Variants in RYR2 observed in about 807,000 individuals in gnomAD.
RYR2 encodes the protein ryanodine receptor 2.
A neutral mutation model predicts 601.1 loss-of-function variants in RYR2; 227 were observed. The ratio of observed to expected loss-of-function variants is 0.38; its 90% CI spans 0.34 to 0.42. The LOEUF (loss-of-function observed/expected upper bound fraction) is 0.42, where lower values mean the gene tolerates loss of function less well. Ranked by LOEUF, RYR2 falls within the 10% of genes least tolerant of loss-of-function variation. The probability of loss-of-function intolerance (pLI) is 1.00; values close to 1 mark genes in which losing one functional copy is unlikely to be tolerated. For synonymous variants in RYR2, 2,223 were observed against 2,175.1 expected, an observed-to-expected ratio of 1.02 and a Z score of -0.61; for missense variants, 4,646 against 6,156.5, an observed-to-expected ratio of 0.75 and a Z score of 8.21.
intron 80 of RYR2, 57 bp downstream of exon 80, chr1:237,742,406 G>A: frequency 1.7e-6 from 2 of 1,159,782 alleles, no homozygotes; most frequent in Non-Finnish European, 2.5e-6. Context: ...TTGTTTCATA[G>A]CTTATAACTG....
intron 1 of RYR2, among the ~76,000 whole-genome samples, chr1:237,264,492 C>T (rs903001077): frequency 2.0e-5 from 3 of 152,196 alleles, no homozygotes; most frequent in Middle Eastern, 3.4e-3. Flanking sequence ...TGTTTTTGAA[C>T]TGCAATGTCC....
chr1:237,336,862 A>T (rs999890061), intron 3 of RYR2, among the ~76,000 whole-genome samples: 9 of 151,464 alleles, frequency 5.9e-5, no homozygotes, highest in Admixed American at 1.3e-4. Flanking sequence ...ATCTCTAAAT[A>T]AATAAATAAA....
intron 2 of RYR2, among the ~76,000 whole-genome samples, chr1:237,313,748 A>G (rs1291486769): frequency 1.3e-5 from 2 of 152,216 alleles, no homozygotes; most frequent in East Asian, 1.9e-4. Flanking sequence ...TTTGAAGACC[A>G]TTATCTCTAC....
chr1:237,420,417 A>G (rs1705436625), intron 11 of RYR2, among the ~76,000 whole-genome samples: 1 of 152,314 alleles, frequency 6.6e-6, no homozygotes, highest in Admixed American at 6.5e-5. Flanking sequence ...AATATCGATA[A>G]TACGTAGGGC....
chr1:237,271,593 C>G (rs924448697), intron 2 of RYR2, among the ~76,000 whole-genome samples: 1 of 152,060 alleles, frequency 6.6e-6, no homozygotes, highest in Non-Finnish European at 1.5e-5. Context: ...AGAAATGAAG[C>G]CTTATCAAAA....
In RYR2 at chr1:237,380,201, A is replaced by G. The variant is rs142497589; in HGVS notation, c.576+2766A>G. On this transcript the variant is annotated intron_variant, in intron 8 of 104. Transcript: ENST00000366574. ...ATTCAAAGACTTATTTGGAGGACTCAGTGAAAAGGATCTAGAGAAACTGAA... is the reference window on the plus strand; with the variant it reads ...ATTCAAAGACTTATTTGGAGGACTCGGTGAAAAGGATCTAGAGAAACTGAA... Among the ~76,000 whole-genome samples, 229 of 151,164 alleles carry G rather than the reference A, an allele frequency of 1.5e-3. 1 individual carries two copies. The highest frequency in any genetic ancestry group is 5.3e-3 in the African/African-American group (220 of 41,138).
chr1:237,331,662 C>T (rs1001440029), intron 3 of RYR2, among the ~76,000 whole-genome samples: 1 of 146,014 alleles, frequency 6.8e-6, no homozygotes, highest in South Asian at 2.2e-4. Context: ...GCCACCACCA[C>T]ACCTGGCTAT....
At chr1:237,789,163 C>G (rs1658037769) in intron 92 of RYR2, among the ~76,000 whole-genome samples, 1 of 151,948 alleles carries the variant, frequency 6.6e-6, no homozygotes, top group African/African-American at 2.4e-5. Flanking sequence ...AATTTAAGAA[C>G]AACAACCCTC....
Position 237,545,964 on chromosome 1 carries a change from G to GT in RYR2, c.2907-2459dup, listed in dbSNP as rs934160769. On this transcript the variant is annotated intron_variant, in intron 25 of 104. Transcript: ENST00000366574. ...TAAAATATATATATTAATGTTTTGG[G>GT]TTTTTTTTAATTTAAATACATAAAT... Among the ~76,000 whole-genome samples the GT allele has an allele frequency of 1.7e-4, 25 of 149,708 alleles. No homozygotes were observed. In the South Asian group the frequency reaches 2.1e-3, roughly 13 times the overall value.
At chr1:237,641,501 C>CTTTCTTTCTTTT (rs1681518403) in intron 47 of RYR2, among the ~76,000 whole-genome samples, 1 of 89,790 alleles carries the variant, frequency 1.1e-5, no homozygotes. Flanking sequence ...TTCTTTCTTT[C>CTTTCTTTCTTTT]TTTCTTTCTT....
At chr1:237,433,349 T>TATA (rs57586820) in intron 12 of RYR2, among the ~76,000 whole-genome samples, 127,056 of 151,762 alleles carry the variant, frequency 0.84, 53,478 homozygotes, top group East Asian at 1. Flanking sequence ...TAGTGCTGAT[T>TATA]ATATTTATAA....
rs1488142304 is a variant in RYR2 at position 237,705,246 on chromosome 1, C to T, written c.9483C>T (p.Ala3161=). 1.9e-6 allele frequency: 3 copies of T among 1,607,614 alleles called. No homozygotes were observed. The highest frequency in any genetic ancestry group is 2.6e-6 in the Non-Finnish European group (3 of 1,176,398). ...QRSALGECLA[A]FAGAFPVAFL... ...CTGCATTAGGAGAATGTCTAGCTGC[C>T]TTTGCTGGTGCTTTTCCTGTAGCAT... The change falls in exon 67 of 105, where the codon GCC becomes GCT. Residue 3161 remains alanine, a synonymous_variant. Transcript: ENST00000366574.
chr1:237,322,784 T>G (rs140908353), intron 2 of RYR2, among the ~76,000 whole-genome samples: 234 of 151,958 alleles, frequency 1.5e-3, no homozygotes, highest in Non-Finnish European at 1.9e-3. Context: ...TAGGCTAACA[T>G]GTAGGATATT....
chr1:237,678,803 A>G (rs1210926918), intron 61 of RYR2, among the ~76,000 whole-genome samples: 2 of 152,160 alleles, frequency 1.3e-5, no homozygotes, highest in Middle Eastern at 3.2e-3. Context: ...TGAATATACA[A>G]ATGCCCCTGG....
intron 56 of RYR2, among the ~76,000 whole-genome samples, chr1:237,662,752 A>G (rs1683927388): frequency 6.6e-6 from 1 of 152,218 alleles, no homozygotes; most frequent in Non-Finnish European, 1.5e-5. Flanking sequence ...GTGACATGTG[A>G]TTTTTGAAAT....
chr1:237,082,080 T>A (rs1275141422), intron 1 of RYR2, among the ~76,000 whole-genome samples: 1 of 152,154 alleles, frequency 6.6e-6, no homozygotes, highest in Non-Finnish European at 1.5e-5. Context: ...AGAATCTCAG[T>A]TTGCTATGAT....
intron 1 of RYR2, among the ~76,000 whole-genome samples, chr1:237,144,003 C>T (rs972573825): frequency 3.3e-5 from 5 of 152,066 alleles, no homozygotes; most frequent in Non-Finnish European, 1.5e-5. Flanking sequence ...GTGACATGCG[C>T]CTGTAGTCCC....
intron 9 of RYR2, among the ~76,000 whole-genome samples, 153 bp from the exon 10 acceptor site, chr1:237,387,934 A>G (rs1259650042): frequency 9.1e-6 from 1 of 109,738 alleles, no homozygotes; most frequent in Admixed American, 1.2e-4. Flanking sequence ...AGGGAACAGC[A>G]GGCACTGTCT....
chr1:237,446,382 T>C (rs556118936), intron 14 of RYR2, among the ~76,000 whole-genome samples: 1 of 152,302 alleles, frequency 6.6e-6, no homozygotes, highest in East Asian at 1.9e-4. Flanking sequence ...ATTTTTTCTT[T>C]TGTGTTTAAT....
Sources: allele counts gnomAD v4.1 joint callset (sites outside exome capture counted in the v4.1 genomes callset), GRCh38; gene constraint gnomAD v4.1.1; transcripts MANE v1.5; gene names NCBI Gene and HGNC (gene_info 2026-07-23, HGNC 2026-07-21).